Variants in NFKB1 observed in about 807,000 individuals in gnomAD.
The protein encoded by NFKB1 is nuclear factor NF-kappa-B p105 subunit.
NFKB1 carries 9 observed loss-of-function variants against 105.1 expected under a neutral mutation model. That is an observed-to-expected ratio of 0.09 (90% CI 0.05 to 0.15). The LOEUF (loss-of-function observed/expected upper bound fraction) is 0.15, where lower values mean the gene tolerates loss of function less well. Among genes scored for constraint, NFKB1 ranks in the 10% least tolerant of loss-of-function variants. The pLI is 1.00. For synonymous variants in NFKB1, 440 were observed against 442.2 expected (o/e 1.00, Z 0.06); for missense variants, 830 against 1,203.7 (o/e 0.69, Z 4.59).
chr4:102,567,223 G>A (rs1288373939), intron 6 of NFKB1, 88 bp downstream of exon 6: 21 of 1,417,802 alleles, frequency 1.5e-5, no homozygotes, highest in African/African-American at 2.8e-5. Flanking sequence ...CCTTTCATTA[G>A]GGACCTTTCT....
At chr4:102,526,428 C>G (rs1740916528) in intron 2 of NFKB1, among the ~76,000 whole-genome samples, 1 of 151,948 alleles carries the variant, frequency 6.6e-6, no homozygotes, top group Admixed American at 6.6e-5. Flanking sequence ...GTTGGATACC[C>G]TAAAAACCCT....
intron 3 of NFKB1, 148 bp downstream of exon 3, chr4:102,530,062 T>C: frequency 1.6e-6 from 1 of 621,330 alleles, no homozygotes; most frequent in African/African-American, 1.9e-5. Flanking sequence ...TAACATACTT[T>C]CTTGAAATAT....
chr4:102,588,307 G>A (rs1457734240), intron 11 of NFKB1, among the ~76,000 whole-genome samples: 1 of 152,070 alleles, frequency 6.6e-6, no homozygotes, highest in Non-Finnish European at 1.5e-5. Context: ...CCGGAGCTTT[G>A]CATCCTCTAT....
In NFKB1 at chr4:102,593,474, G is replaced by A. The variant is rs568529031; in HGVS notation, c.1116G>A (p.Ser372=). 42 of 1,613,634 alleles carry A rather than the reference G, an allele frequency of 2.6e-5. No homozygotes were observed. In the East Asian group the frequency reaches 6.2e-4, roughly 24 times the overall value. ...RKRQKLMPNF[S]DSFGGGSGAG... ...GTCAGAAGCTCATGCCCAATTTTTC[G>A]GATAGTTTCGGCGGTGGTAGTGGTG... Residue 372 remains serine, a synonymous_variant, in exon 12 of 24, where the codon TCG becomes TCA. Transcript: ENST00000226574.
At chr4:102,614,286 C>T (rs1440831278) in intron 23 of NFKB1, among the ~76,000 whole-genome samples, 1 of 152,148 alleles carries the variant, frequency 6.6e-6, no homozygotes, top group Non-Finnish European at 1.5e-5. Flanking sequence ...TGAGGAGCCA[C>T]CTCTCCCCTG....
At chr4:102,559,952 A>AT (rs937025420) in intron 5 of NFKB1, among the ~76,000 whole-genome samples, 1 of 149,898 alleles carries the variant, frequency 6.7e-6, no homozygotes, top group Non-Finnish European at 1.5e-5. Context: ...AAAAAAAAAA[A>AT]AAAGAAAGAA....
Position 102,594,915 on chromosome 4 carries a change from T to C in NFKB1, c.1234T>C (p.Phe412Leu). 6.2e-7 allele frequency: 1 copy of C among 1,611,506 alleles called. No individual in the cohort carries two copies. The highest frequency in any genetic ancestry group is 8.5e-7 in the Non-Finnish European group (1 of 1,178,204). ...AGGGTATAGCTTCCCACACTATGGATTTCCTACTTATGGTGGGATTACTTT... is the reference window on the plus strand; with the variant it reads ...AGGGTATAGCTTCCCACACTATGGACTTCCTACTTATGGTGGGATTACTTT... ...GPGYSFPHYG[F>L]PTYGGITFHP... The change falls in exon 13 of 24, where the codon TTT becomes CTT. Residue 412 changes from phenylalanine to leucine, a missense_variant. Around this residue, in one of 8 missense-constraint regions of NFKB1, gnomAD observed 163 missense variants for 164.3 expected, o/e 0.99. Coordinates refer to ENST00000226574, the MANE Select transcript of NFKB1 (RefSeq NM_003998.4).
chr4:102,580,780 T>G, intron 9 of NFKB1, 141 bp downstream of exon 9: 2 of 598,266 alleles, frequency 3.3e-6, no homozygotes, highest in South Asian at 5.5e-5. Context: ...AGCATTTACG[T>G]TTTACCTCTT....
chr4:102,596,799 A>G (rs1373545063), intron 14 of NFKB1, among the ~76,000 whole-genome samples: 1 of 151,972 alleles, frequency 6.6e-6, no homozygotes, highest in Non-Finnish European at 1.5e-5. Context: ...ACTGTGAACC[A>G]ATACTTATTA....
chr4:102,584,894 T>A, intron 11 of NFKB1, 74 bp downstream of exon 11: 1 of 1,413,316 alleles, frequency 7.1e-7, no homozygotes, highest in Non-Finnish European at 9.6e-7. Context: ...TGTTTTGTTT[T>A]GTTTTGAGAC....
chr4:102,565,792 T>G (rs548428902), intron 5 of NFKB1, among the ~76,000 whole-genome samples: 1 of 152,240 alleles, frequency 6.6e-6, no homozygotes, highest in South Asian at 2.1e-4. Context: ...TGTACAGATT[T>G]ATGCATTTTG....
chr4:102,536,082 TAGC>T (rs1741616227), intron 4 of NFKB1, among the ~76,000 whole-genome samples: 1 of 152,152 alleles, frequency 6.6e-6, no homozygotes, highest in Non-Finnish European at 1.5e-5. Context: ...GTGTTTAAAT[TAGC>T]AGTCAAGTAA....
At chr4:102,607,608 G>A (rs753030010) in intron 18 of NFKB1, 41 bp from the exon 19 acceptor site, 13 of 1,597,896 alleles carry the variant, frequency 8.1e-6, no homozygotes, top group African/African-American at 1.3e-5. Flanking sequence ...AAGGGCAAAA[G>A]AACCTTCCAC....
intron 1 of NFKB1, among the ~76,000 whole-genome samples, chr4:102,508,471 T>A (rs895764183): frequency 1.3e-5 from 2 of 152,168 alleles, no homozygotes; most frequent in Non-Finnish European, 2.9e-5. Flanking sequence ...AAATCAGCAA[T>A]TGATTTACGT....
chr4:102,612,192 G>T, intron 21 of NFKB1, 82 bp downstream of exon 21: 1 of 1,304,694 alleles, frequency 7.7e-7, no homozygotes, highest in South Asian at 1.2e-5. Flanking sequence ...CATTATCCAG[G>T]GTCTACTGTT....
intron 5 of NFKB1, among the ~76,000 whole-genome samples, chr4:102,555,305 A>G (rs1722903621): frequency 6.6e-6 from 1 of 152,130 alleles, no homozygotes; most frequent in South Asian, 2.1e-4. Context: ...CCTGGAGACA[A>G]TTATTTATTT....
chr4:102,585,437 A>T (rs1318753011), intron 11 of NFKB1, among the ~76,000 whole-genome samples: 1 of 152,152 alleles, frequency 6.6e-6, no homozygotes, highest in Non-Finnish European at 1.5e-5. Context: ...TTATTGACTA[A>T]CTCAGAGTTC....
chr4:102,550,813 T>A (rs1315020694), intron 5 of NFKB1, among the ~76,000 whole-genome samples: 1 of 152,238 alleles, frequency 6.6e-6, no homozygotes, highest in Non-Finnish European at 1.5e-5. Flanking sequence ...TATGTTTCCA[T>A]TGAGCTATAG....
At chr4:102,578,642 G>A in intron 7 of NFKB1, 1 of 521,086 alleles carries the variant, frequency 1.9e-6, no homozygotes, top group Non-Finnish European at 3.4e-6. Context: ...GAGGCGATCT[G>A]ATACACGGAA....
Sources: allele counts gnomAD v4.1 joint callset (sites outside exome capture counted in the v4.1 genomes callset), GRCh38; gene constraint gnomAD v4.1.1; regional missense constraint gnomAD v4.1.1; transcripts MANE v1.5; gene names NCBI Gene and HGNC (gene_info 2026-07-23, HGNC 2026-07-21).